Variants in KSR2 observed in about 807,000 individuals in gnomAD.
KSR2 encodes kinase suppressor of ras 2.
In KSR2, 25 loss-of-function variants were observed where a neutral mutation model predicts 107.8. The ratio of observed to expected loss-of-function variants is 0.23; its 90% CI spans 0.17 to 0.32. KSR2 has a LOEUF of 0.32. Among genes scored for constraint, KSR2 ranks in the 10% least tolerant of loss-of-function variants. The pLI, the probability that KSR2 is intolerant of heterozygous loss-of-function variation, is 1.00. For synonymous variants in KSR2, 480 were observed against 507.0 expected (o/e 0.95, Z 0.71); for missense variants, 887 against 1,268.9 (o/e 0.70, Z 4.57).
chr12:117,505,125 T>C (rs1258665581), intron 14 of KSR2, among the ~76,000 whole-genome samples: 2 of 152,214 alleles, frequency 1.3e-5, no homozygotes, highest in Non-Finnish European at 2.9e-5. Flanking sequence ...GGTGTATATA[T>C]ACCACATTTT....
intron 1 of KSR2, among the ~76,000 whole-genome samples, chr12:117,913,056 G>T (rs1895069172): frequency 6.6e-6 from 1 of 152,166 alleles, no homozygotes; most frequent in South Asian, 2.1e-4. Flanking sequence ...CAGGAAGCAG[G>T]AAGGTGGGGA....
At chr12:117,782,140 T>C (rs1037986210) in intron 3 of KSR2, among the ~76,000 whole-genome samples, 1 of 152,214 alleles carries the variant, frequency 6.6e-6, no homozygotes, top group Non-Finnish European at 1.5e-5. Flanking sequence ...GTACTTTCTT[T>C]TGAGATGCTA....
At chr12:117,507,791 A>ATTGT (rs1873790342) in intron 14 of KSR2, among the ~76,000 whole-genome samples, 1 of 152,186 alleles carries the variant, frequency 6.6e-6, no homozygotes, top group South Asian at 2.1e-4. Context: ...TTGCTGATAA[A>ATTGT]TTGTTATGAG....
intron 1 of KSR2, among the ~76,000 whole-genome samples, chr12:117,903,053 C>T (rs1429311296): frequency 6.6e-6 from 1 of 152,168 alleles, no homozygotes; most frequent in African/African-American, 2.4e-5. Flanking sequence ...CAGCAAGGCC[C>T]CTACAAAGGT....
Position 117,469,701 on chromosome 12 carries a change from C to A in KSR2, c.2807G>T (p.Arg936Leu), listed in dbSNP as rs550563327. The A allele has an allele frequency of 1.2e-5, 19 of 1,613,384 alleles. No individual in the cohort carries two copies. Among genetic ancestry groups the A allele is most frequent in the Non-Finnish European group, 1.6e-5 (19 of 1,179,670 alleles). ...DMLEKLPKRN[R>L]RLSHPGHFWK... ...GAAATGTCCAGGGTGAGACAGGCGA[C>A]GGTTTCGCTTTGGCAGTTTCTCCAG... Residue 936 changes from arginine (R) to leucine (L), a missense_variant, in exon 19 of 20, where the codon CGT (arginine) becomes CTT (leucine). By Grantham distance (102) the Arg-to-Leu change is moderately radical (BLOSUM62 -2). This residue lies in a region of KSR2 where 308 missense variants were observed against 506.2 expected (regional missense o/e 0.61). Coordinates refer to ENST00000339824, the MANE Select transcript of KSR2 (RefSeq NM_173598.6).
In KSR2 at chr12:117,860,279, C is replaced by G; in HGVS notation, c.321+12G>C. 1 of 1,604,828 alleles carries G rather than the reference C, an allele frequency of 6.2e-7. No individual in the cohort carries two copies. Among genetic ancestry groups the G allele is most frequent in the Non-Finnish European group, 8.5e-7 (1 of 1,172,844 alleles). ...AGTAAGGGGCAGGGGACACAGGGGC[C>G]CCCCAGGTCACCTCCAGGACCTCCT... is the stretch of plus-strand genomic sequence containing the variant. On this transcript the variant is annotated intron_variant, in intron 2 of 19. Transcript: ENST00000339824.
intron 1 of KSR2, among the ~76,000 whole-genome samples, chr12:117,949,875 C>T (rs78918407): frequency 0.022 from 3,359 of 152,112 alleles, 134 homozygotes; most frequent in African/African-American, 0.078. Flanking sequence ...GTGTGTTTCA[C>T]TGTTAGTCCA....
intron 14 of KSR2, chr12:117,517,696 C>T: frequency 2.6e-6 from 1 of 385,710 alleles, no homozygotes; most frequent in Non-Finnish European, 5.1e-6. Flanking sequence ...AAGGCAGCCA[C>T]AGACAAAAAA....
chr12:117,713,262 A>C (rs1308005096), intron 4 of KSR2, among the ~76,000 whole-genome samples: 1 of 152,024 alleles, frequency 6.6e-6, no homozygotes, highest in Non-Finnish European at 1.5e-5. Context: ...ATTGATAGAT[A>C]CATGATAAAC....
chr12:117,561,593 C>T (rs1300965876), intron 7 of KSR2, among the ~76,000 whole-genome samples: 2 of 152,156 alleles, frequency 1.3e-5, no homozygotes, highest in African/African-American at 4.8e-5. Context: ...ACTCTTTTTG[C>T]TTTAACATCT....
chr12:117,964,261 G>C (rs1227590998), intron 1 of KSR2, among the ~76,000 whole-genome samples: 1 of 152,178 alleles, frequency 6.6e-6, no homozygotes, highest in Non-Finnish European at 1.5e-5. Flanking sequence ...ACAAGAGCGA[G>C]ACTCCGTTCT....
intron 5 of KSR2, among the ~76,000 whole-genome samples, chr12:117,638,922 T>C (rs1883230048): frequency 6.6e-6 from 1 of 150,752 alleles, no homozygotes; most frequent in Non-Finnish European, 1.5e-5. Context: ...TCAAAATGAA[T>C]GCCCCCCAAA....
At chr12:117,774,110 A>G (rs943036448) in intron 3 of KSR2, among the ~76,000 whole-genome samples, 1 of 152,150 alleles carries the variant, frequency 6.6e-6, no homozygotes, top group Non-Finnish European at 1.5e-5. Flanking sequence ...TCAGGAAATG[A>G]GAGACCCGTC....
At chr12:117,776,432 G>A (rs935457193) in intron 3 of KSR2, among the ~76,000 whole-genome samples, 4 of 152,236 alleles carry the variant, frequency 2.6e-5, no homozygotes, top group Non-Finnish European at 4.4e-5. Context: ...TAGAGTTGGG[G>A]TATTTACTAC....
intron 10 of KSR2, among the ~76,000 whole-genome samples, chr12:117,532,845 G>A (rs1057444760): frequency 1.3e-5 from 2 of 152,126 alleles, no homozygotes; most frequent in Non-Finnish European, 2.9e-5. Flanking sequence ...CAGGGATATA[G>A]TCAGATGAGT....
intron 4 of KSR2, among the ~76,000 whole-genome samples, chr12:117,744,944 G>T (rs988777701): frequency 6.6e-6 from 1 of 152,134 alleles, no homozygotes; most frequent in African/African-American, 2.4e-5. Context: ...AAATAATGAT[G>T]ATTGGCAGCA....
intron 1 of KSR2, among the ~76,000 whole-genome samples, chr12:117,964,592 C>T (rs568472547): frequency 6.6e-5 from 10 of 152,340 alleles, no homozygotes; most frequent in African/African-American, 2.2e-4. Flanking sequence ...CTAGTCAACA[C>T]CATGTAATGC....
At chr12:117,874,113 CT>C (rs1893751026) in intron 1 of KSR2, among the ~76,000 whole-genome samples, 1 of 152,238 alleles carries the variant, frequency 6.6e-6, no homozygotes, top group Non-Finnish European at 1.5e-5. Context: ...GGGAAAGGCA[CT>C]GACCCTTCTA....
intron 5 of KSR2, among the ~76,000 whole-genome samples, chr12:117,590,350 G>A (rs11068557): frequency 0.11 from 16,368 of 152,168 alleles, 2,194 homozygotes; most frequent in African/African-American, 0.31. Flanking sequence ...AGAGAGCATG[G>A]GGCTTTGACG....
Sources: gnomAD v4.1 joint callset for allele counts (sites outside exome capture counted in the v4.1 genomes callset) on GRCh38, gnomAD v4.1.1 for gene constraint, gnomAD v4.1.1 regional missense constraint, MANE v1.5 for transcripts, NCBI Gene and HGNC (gene_info 2026-07-23, HGNC 2026-07-21) for gene names.